NEGR1: variants seen among roughly 807,000 people sequenced by gnomAD.
NEGR1 encodes neuronal growth regulator 1.
A neutral mutation model predicts 40.9 loss-of-function variants in NEGR1; 10 were observed. The ratio of observed to expected loss-of-function variants is 0.24; its 90% CI spans 0.15 to 0.42. The LOEUF (loss-of-function observed/expected upper bound fraction) is 0.42. Ranked by LOEUF, NEGR1 falls within the 10% of genes least tolerant of loss-of-function variation. NEGR1 has a pLI of 1.00. For missense variants in NEGR1, 352 were observed against 438.9 expected (o/e 0.80, Z 1.77); for synonymous variants, 185 against 166.8 (o/e 1.11, Z -0.84).
chr1:71,788,125 A>G (rs1656979092), intron 2 of NEGR1, among the ~76,000 whole-genome samples: 2 of 152,134 alleles, frequency 1.3e-5, no homozygotes, highest in South Asian at 4.1e-4. Flanking sequence ...TTTAACGTCC[A>G]TGTTACCTTA....
At chr1:71,762,885 G>A (rs1237991813) in intron 3 of NEGR1, among the ~76,000 whole-genome samples, 2 of 151,988 alleles carry the variant, frequency 1.3e-5, no homozygotes, top group Admixed American at 6.6e-5. Context: ...AAATCAAAAC[G>A]TTCTCTAATG....
At chr1:71,933,273 G>A (rs1645872246) in intron 2 of NEGR1, among the ~76,000 whole-genome samples, 1 of 151,880 alleles carries the variant, frequency 6.6e-6, no homozygotes, top group African/African-American at 2.4e-5. Flanking sequence ...AATCCTATGA[G>A]AATTAAACAT....
At chr1:71,531,021 G>T (rs1432281765) in intron 6 of NEGR1, among the ~76,000 whole-genome samples, 1 of 151,054 alleles carries the variant, frequency 6.6e-6, no homozygotes, top group Non-Finnish European at 1.5e-5. Flanking sequence ...CCATGTACTA[G>T]GTACTATCCT....
chr1:72,214,080 T>C (rs1570129978), intron 1 of NEGR1, among the ~76,000 whole-genome samples: 1 of 152,198 alleles, frequency 6.6e-6, no homozygotes, highest in East Asian at 1.9e-4. Context: ...TCAATAAACA[T>C]AATCCATCAC....
chr1:71,504,080 T>G (rs2101405281), intron 6 of NEGR1, among the ~76,000 whole-genome samples: 1 of 149,226 alleles, frequency 6.7e-6, no homozygotes, highest in African/African-American at 2.5e-5. Context: ...ACCCTCTGCA[T>G]TCCTGCAGAG....
intron 2 of NEGR1, among the ~76,000 whole-genome samples, chr1:71,928,027 TACACACAC>T (rs150454041): frequency 9.0e-5 from 7 of 77,458 alleles, no homozygotes; most frequent in Non-Finnish European, 1.4e-4. Flanking sequence ...AATAAATAAA[TACACACAC>T]ACACACACAC....
At chr1:71,845,756 T>A (rs1474616961) in intron 2 of NEGR1, among the ~76,000 whole-genome samples, 1 of 151,952 alleles carries the variant, frequency 6.6e-6, no homozygotes, top group African/African-American at 2.4e-5. Context: ...CCTACCTACC[T>A]ACATATCTAT....
At chr1:71,506,117 G>A (rs552606754) in intron 6 of NEGR1, among the ~76,000 whole-genome samples, 1 of 152,254 alleles carries the variant, frequency 6.6e-6, no homozygotes, top group Non-Finnish European at 1.5e-5. Flanking sequence ...ACTGGCTACT[G>A]CAGGTTATGG....
chr1:72,094,312 A>G (rs568769514), intron 1 of NEGR1, among the ~76,000 whole-genome samples: 1 of 152,196 alleles, frequency 6.6e-6, no homozygotes, highest in Admixed American at 6.5e-5. Flanking sequence ...GAAATCTAAG[A>G]TCTCAAAGAA....
chr1:71,525,846 A>C (rs1344101101), intron 6 of NEGR1, among the ~76,000 whole-genome samples: 1 of 151,650 alleles, frequency 6.6e-6, no homozygotes, highest in Non-Finnish European at 1.5e-5. Flanking sequence ...TACTTATGCT[A>C]TATAACAATC....
Position 71,547,318 on chromosome 1 carries a change from C to CTAT in NEGR1, c.940+45498_940+45499insATA, listed in dbSNP as rs1237836951. On this transcript the variant is annotated intron_variant, in intron 6 of 6. Coordinates refer to ENST00000357731, the MANE Select transcript of NEGR1 (RefSeq NM_173808.3). Reference sequence around the variant, plus strand: ...TTGTTCATTTGTCAAGAGACAGAGACAATAGACTGGGAAGTATTTGTTAGG... The same window carrying CTAT: ...TTGTTCATTTGTCAAGAGACAGAGACTATAATAGACTGGGAAGTATTTGTTAGG... Among the ~76,000 whole-genome samples the CTAT allele has an allele frequency of 2.6e-5, 4 of 151,810 alleles. No homozygotes were observed. The East Asian group carries it at 5.9e-4, about 22-fold the overall frequency.
chr1:72,159,281 G>C (rs766654444), intron 1 of NEGR1, among the ~76,000 whole-genome samples: 12 of 152,044 alleles, frequency 7.9e-5, no homozygotes, highest in African/African-American at 2.9e-4. Context: ...CTCTATCCTC[G>C]TAAGTTAGTA....
chr1:72,278,545 G>A (rs1294567260), intron 1 of NEGR1, among the ~76,000 whole-genome samples: 2 of 152,078 alleles, frequency 1.3e-5, no homozygotes. Context: ...TAAAGTGACT[G>A]CAAAATGATT....
intron 1 of NEGR1, among the ~76,000 whole-genome samples, chr1:72,040,577 C>CAAAAAAAAAAAAAAAAAAAAAAAAAA (rs5775102): frequency 6.7e-5 from 2 of 29,684 alleles, no homozygotes; most frequent in African/African-American, 1.2e-4. Context: ...GAGCACTGAC[C>CAAAAAAAAAAAAAAAAAAAAAAAAAA]AAAAAAAAAA....
intron 6 of NEGR1, among the ~76,000 whole-genome samples, chr1:71,428,778 A>C (rs1646446033): frequency 6.6e-6 from 1 of 151,732 alleles, no homozygotes; most frequent in African/African-American, 2.4e-5. Flanking sequence ...TGGAGCCTAG[A>C]TTTAACCCAG....
chr1:71,878,003 T>G (rs2101839795), intron 2 of NEGR1, among the ~76,000 whole-genome samples: 1 of 152,312 alleles, frequency 6.6e-6, no homozygotes, highest in East Asian at 1.9e-4. Flanking sequence ...TTATTGTCTT[T>G]GGTCTTCCTA....
intron 6 of NEGR1, among the ~76,000 whole-genome samples, chr1:71,474,471 C>G (rs375508827): frequency 1.4e-5 from 2 of 145,008 alleles, no homozygotes; most frequent in Middle Eastern, 3.7e-3. Flanking sequence ...GTCAGGAGTT[C>G]GAGATGAGCC....
intron 1 of NEGR1, among the ~76,000 whole-genome samples, chr1:71,967,494 G>A (rs1250261191): frequency 6.6e-6 from 1 of 152,124 alleles, no homozygotes; most frequent in East Asian, 1.9e-4. Flanking sequence ...ATGATTTTTG[G>A]AATCTATTTA....
chr1:71,881,434 A>T (rs1027182167), intron 2 of NEGR1, among the ~76,000 whole-genome samples: 1 of 151,974 alleles, frequency 6.6e-6, no homozygotes, highest in Non-Finnish European at 1.5e-5. Context: ...ATAAATTGTA[A>T]TTGTTCATTG....
Sources: allele counts gnomAD v4.1 joint callset (sites outside exome capture counted in the v4.1 genomes callset), GRCh38; gene constraint gnomAD v4.1.1; transcripts MANE v1.5; gene names NCBI Gene and HGNC (gene_info 2026-07-23, HGNC 2026-07-21).